The following ZFHX3 variants were observed in gnomAD, a reference collection of about 807,000 sequenced individuals.
ZFHX3 encodes the protein zinc finger homeobox 3, also known as zinc finger homeobox protein 3.
In ZFHX3, 42 loss-of-function variants were observed where a neutral mutation model predicts 279.1. The observed-to-expected ratio is 0.15, with a 90% CI of 0.12 to 0.19. The LOEUF (loss-of-function observed/expected upper bound fraction) is 0.19, where lower values mean the gene tolerates loss of function less well. Among genes scored for constraint, ZFHX3 ranks in the 10% least tolerant of loss-of-function variants. The pLI is 1.00. For synonymous variants in ZFHX3, 2,293 were observed against 1,957.8 expected (o/e 1.17, Z -4.52); for missense variants, 4,981 against 4,754.0 (o/e 1.05, Z -1.40).
chr16:72,927,687 C>T (rs1053058222), intron 3 of ZFHX3, among the ~76,000 whole-genome samples: 3 of 151,972 alleles, frequency 2.0e-5, no homozygotes, highest in African/African-American at 7.2e-5. Context: ...CCGGAGCCGC[C>T]CGGGGGAGCT....
chr16:73,428,838 G>A (rs1200448005), intron 3 of ZFHX3, among the ~76,000 whole-genome samples: 2 of 152,158 alleles, frequency 1.3e-5, no homozygotes, highest in African/African-American at 2.4e-5. Context: ...AGGATCTGAA[G>A]ACAGTAATTA....
At chr16:73,116,358 A>T (rs1177632553) in intron 7 of ZFHX3, among the ~76,000 whole-genome samples, 1 of 152,130 alleles carries the variant, frequency 6.6e-6, no homozygotes, top group Non-Finnish European at 1.5e-5. Flanking sequence ...TTCTTAGGAC[A>T]AGGAGGGCTT....
At chr16:73,344,710 G>GAGAC (rs2016093528) in intron 3 of ZFHX3, among the ~76,000 whole-genome samples, 1 of 152,186 alleles carries the variant, frequency 6.6e-6, no homozygotes, top group African/African-American at 2.4e-5. Flanking sequence ...GAGAGAGAGA[G>GAGAC]AGACAGACAG....
At chr16:73,880,195 T>C (rs1333388707) in intron 1 of ZFHX3, among the ~76,000 whole-genome samples, 2 of 152,100 alleles carry the variant, frequency 1.3e-5, no homozygotes. Flanking sequence ...CGCTGTCAGA[T>C]TTGCCCCAAA....
chr16:73,124,526 C>G (rs1966538568), intron 7 of ZFHX3, among the ~76,000 whole-genome samples: 2 of 152,144 alleles, frequency 1.3e-5, no homozygotes, highest in African/African-American at 4.8e-5. Context: ...TGGAGCCAGG[C>G]AGGTTCAGTC....
At chr16:73,455,291 T>C (rs1382478984) in intron 3 of ZFHX3, among the ~76,000 whole-genome samples, 1 of 152,186 alleles carries the variant, frequency 6.6e-6, no homozygotes, top group Non-Finnish European at 1.5e-5. Context: ...TTCTCAGAGT[T>C]TGGAAAAAGT....
intron 4 of ZFHX3, among the ~76,000 whole-genome samples, chr16:73,300,335 T>C (rs962692076): frequency 3.3e-5 from 5 of 151,360 alleles, no homozygotes; most frequent in African/African-American, 9.7e-5. Flanking sequence ...ATGAGGCCAT[T>C]ATAAGGATGA....
chr16:73,733,737 C>A (rs1228885179), intron 1 of ZFHX3, among the ~76,000 whole-genome samples: 1 of 151,942 alleles, frequency 6.6e-6, no homozygotes, highest in African/African-American at 2.4e-5. Context: ...TAATTAAGTC[C>A]TCAACAAATG....
intron 2 of ZFHX3, among the ~76,000 whole-genome samples, chr16:73,667,211 C>T (rs1010521202): frequency 2.0e-5 from 3 of 152,010 alleles, no homozygotes; most frequent in Admixed American, 1.3e-4. Flanking sequence ...AGACTGGTCT[C>T]GAACTCTTGA....
At chr16:73,721,497 A>T (rs756253983) in intron 1 of ZFHX3, among the ~76,000 whole-genome samples, 1 of 152,058 alleles carries the variant, frequency 6.6e-6, no homozygotes, top group Non-Finnish European at 1.5e-5. Context: ...TTTGCTGACC[A>T]TTTATCTGTA....
At chr16:73,528,280 A>G (rs2019729666) in intron 2 of ZFHX3, among the ~76,000 whole-genome samples, 3 of 152,216 alleles carry the variant, frequency 2.0e-5, no homozygotes, top group Non-Finnish European at 4.4e-5. Context: ...CACGATTATT[A>G]CACTATATTT....
chr16:73,843,932 T>C (rs1961380090), intron 1 of ZFHX3, among the ~76,000 whole-genome samples: 1 of 152,228 alleles, frequency 6.6e-6, no homozygotes, highest in Non-Finnish European at 1.5e-5. Flanking sequence ...TCTTCATGTG[T>C]AACAAAATAT....
chr16:73,232,243 C>G (rs112317887), intron 5 of ZFHX3: 2,790 of 152,354 alleles, frequency 0.018, 35 homozygotes, highest in Non-Finnish European at 0.031. Flanking sequence ...CTCCACGAGC[C>G]TCCCTGCCCC....
intron 4 of ZFHX3, among the ~76,000 whole-genome samples, chr16:72,873,164 C>T (rs1014175927): frequency 1.3e-5 from 2 of 152,188 alleles, no homozygotes; most frequent in Non-Finnish European, 2.9e-5. Context: ...TTTTCACATC[C>T]TTCCAAAAGA....
chr16:73,057,333 C>T (rs1240435646), intron 1 of ZFHX3, among the ~76,000 whole-genome samples: 1 of 152,170 alleles, frequency 6.6e-6, no homozygotes, highest in African/African-American at 2.4e-5. Flanking sequence ...TATACAAGAA[C>T]CCTCCGAGTA....
chr16:73,818,749 T>G (rs1040409886), intron 1 of ZFHX3, among the ~76,000 whole-genome samples: 3 of 152,204 alleles, frequency 2.0e-5, no homozygotes, highest in Non-Finnish European at 2.9e-5. Flanking sequence ...TTTCTCAAAC[T>G]GCACTTTGGA....
At chr16:72,805,415 G>C (rs189717791) in intron 7 of ZFHX3, among the ~76,000 whole-genome samples, 1 of 152,080 alleles carries the variant, frequency 6.6e-6, no homozygotes, top group Non-Finnish European at 1.5e-5. Context: ...TAGATTTGCC[G>C]ATACCTAGGC....
chr16:73,115,708 A>G (rs7187519), intron 7 of ZFHX3, among the ~76,000 whole-genome samples: 85,836 of 151,838 alleles, frequency 0.57, 25,040 homozygotes, highest in Middle Eastern at 0.67. Context: ...CAATTATAGG[A>G]GGCACTGCTA....
At chr16:73,021,927 G>A (rs1000755815) in intron 1 of ZFHX3, among the ~76,000 whole-genome samples, 4 of 151,866 alleles carry the variant, frequency 2.6e-5, no homozygotes, top group African/African-American at 9.7e-5. Context: ...CGTGTAGACG[G>A]GAGGCAGAGG....
Sources: gnomAD v4.1 joint callset for allele counts (sites outside exome capture counted in the v4.1 genomes callset) on GRCh38, gnomAD v4.1.1 for gene constraint, MANE v1.5 for transcripts, NCBI Gene and HGNC (gene_info 2026-07-23, HGNC 2026-07-21) for gene names.